Variants in CCDC144A observed in about 807,000 individuals in gnomAD.
The protein encoded by CCDC144A is coiled-coil domain containing 144A.
CCDC144A carries 41 observed loss-of-function variants against 143.8 expected under a neutral mutation model. That is an observed-to-expected ratio of 0.29 (90% confidence interval 0.22 to 0.37). The LOEUF is 0.37. Among genes scored for constraint, CCDC144A ranks in the 10% least tolerant of loss-of-function variants. The pLI, the probability that CCDC144A is intolerant of heterozygous loss-of-function variation, is 1.00. For synonymous variants in CCDC144A, 242 were observed against 517.9 expected, an observed-to-expected ratio of 0.47 and a Z score of 7.23; for missense variants, 637 against 1,488.8, an observed-to-expected ratio of 0.43 and a Z score of 9.41.
Position 16,711,136 on chromosome 17 carries a change from G to GAAAAAAAAAAAAAAAAAAAAAAAA in CCDC144A, c.1579-521_1579-520insAAAAAAAAAAAAAAAAAAAAAAAA, listed in dbSNP as rs1210697273. Reference sequence around the variant, plus strand: ...CTTTTTGATATCCCAGGATTCAAATGAAAAAAAAAAAAAAAAAAAAAACAA... The same window carrying GAAAAAAAAAAAAAAAAAAAAAAAA: ...CTTTTTGATATCCCAGGATTCAAATGAAAAAAAAAAAAAAAAAAAAAAAAAAAAAAAAAAAAAAAAAAAAAACAA... On this transcript the variant is annotated intron_variant, in intron 5 of 16. Coordinates refer to ENST00000399273, the MANE Select transcript of CCDC144A (RefSeq NM_001382000.1). Among the ~76,000 whole-genome samples the GAAAAAAAAAAAAAAAAAAAAAAAA allele has an allele frequency of 9.2e-4, 20 of 21,764 alleles. 3 individuals carry two copies. Among genetic ancestry groups the GAAAAAAAAAAAAAAAAAAAAAAAA allele is most frequent in the Non-Finnish European group, 1.3e-3 (15 of 11,568 alleles). The allele number at this position is 21,764 out of a possible 152,430, so 14.3% of individuals were successfully genotyped here.
intron 2 of CCDC144A, among the ~76,000 whole-genome samples, chr17:16,701,006 T>A (rs897229026): frequency 1.3e-5 from 2 of 152,312 alleles, no homozygotes; most frequent in South Asian, 2.1e-4. Context: ...TTTGTGAATT[T>A]TTTTTGCCTA....
At chr17:16,677,282 C>G in the CCDC144A span, among the ~76,000 whole-genome samples, 3 of 152,058 alleles carry the variant, frequency 2.0e-5, no homozygotes, top group South Asian at 6.3e-4. Flanking sequence ...GTTCCATGAA[C>G]AAGTTATGCG....
intron 11 of CCDC144A, among the ~76,000 whole-genome samples, 197 bp downstream of exon 11, chr17:16,732,863 T>C (rs936772643): frequency 1.3e-5 from 2 of 151,094 alleles, no homozygotes; most frequent in Admixed American, 6.6e-5. Flanking sequence ...TTAATTCAAC[T>C]CCATTTGTTT....
At chr17:16,762,157 CTTCT>C (rs1225467177) in intron 13 of CCDC144A, among the ~76,000 whole-genome samples, 152 bp from the exon 14 acceptor site, 1 of 152,242 alleles carries the variant, frequency 6.6e-6, no homozygotes, top group African/African-American at 2.4e-5. Context: ...TAAGCTTGAG[CTTCT>C]TTCTTTCTTC....
the CCDC144A span, among the ~76,000 whole-genome samples, chr17:16,675,885 G>A: frequency 6.6e-6 from 1 of 151,764 alleles, no homozygotes; most frequent in African/African-American, 2.4e-5. Flanking sequence ...TGGGACTACA[G>A]GCGCCCGCCA....
chr17:16,726,669 G>GT (rs1342518523), intron 8 of CCDC144A, among the ~76,000 whole-genome samples: 2 of 151,708 alleles, frequency 1.3e-5, no homozygotes, highest in African/African-American at 4.8e-5. Flanking sequence ...TTTTTTAGAT[G>GT]TTTTTTTCCC....
intron 2 of CCDC144A, among the ~76,000 whole-genome samples, chr17:16,694,382 A>G (rs1911277021): frequency 6.6e-6 from 1 of 152,186 alleles, no homozygotes; most frequent in Admixed American, 6.5e-5. Flanking sequence ...GAAGTTCCAG[A>G]CCAGCCTGGG....
At chr17:16,675,983 C>T in the CCDC144A span, among the ~76,000 whole-genome samples, 36 of 151,888 alleles carry the variant, frequency 2.4e-4, no homozygotes, top group African/African-American at 8.4e-4. Context: ...CTCCTCACCT[C>T]GTGATCCCCG....
At chr17:16,732,960 A>G (rs1041005268) in intron 11 of CCDC144A, among the ~76,000 whole-genome samples, 35 of 151,648 alleles carry the variant, frequency 2.3e-4, no homozygotes, top group African/African-American at 8.2e-4. Flanking sequence ...TCTTTCCACA[A>G]TCTCAAAATC....
At chr17:16,713,201 C>T (rs1912550339) in intron 6 of CCDC144A, among the ~76,000 whole-genome samples, 1 of 151,836 alleles carries the variant, frequency 6.6e-6, no homozygotes, top group Non-Finnish European at 1.5e-5. Context: ...TTATAAAGGG[C>T]ATAAGTGTGG....
At chr17:16,765,990 C>T (rs1441718627) in intron 15 of CCDC144A, 2 of 152,342 alleles carry the variant, frequency 1.3e-5, no homozygotes, top group African/African-American at 4.8e-5. Context: ...GGACACACAT[C>T]CATGACACAG....
rs1915938237 is a variant in CCDC144A, at chr17:16,774,503, CT to C, written c.*873del. The C allele has an allele frequency of 7.7e-6, 1 of 130,062 alleles. No individual in the cohort carries two copies. 8.1% of individuals were successfully genotyped at this position (130,062 alleles called of 1,614,324 possible). On this transcript the variant is annotated 3_prime_UTR_variant, in exon 17 of 17. Coordinates refer to ENST00000399273, the MANE Select transcript of CCDC144A (RefSeq NM_001382000.1). ...AACAGTTCCTCAGTTTTTCTTTGAC[CT>C]TTATGACCTTAAATCTTTTGAAGAG...
At chr17:16,718,221 A>T (rs1597553555) in intron 6 of CCDC144A, among the ~76,000 whole-genome samples, 1 of 152,200 alleles carries the variant, frequency 6.6e-6, no homozygotes, top group Non-Finnish European at 1.5e-5. Context: ...ACTGTAGTGG[A>T]TAAGCATAGA....
chr17:16,777,459 G>A lies in CCDC144A; in HGVS notation c.*3826G>A, dbSNP rs1280667017. 9 of 147,296 alleles carry A rather than the reference G, an allele frequency of 6.1e-5. No homozygotes were observed. The highest frequency in any genetic ancestry group is 1.8e-4 in the African/African-American group (7 of 39,708). The allele number at this position is 147,296 out of a possible 1,614,324, so 9.1% of individuals were successfully genotyped here. The stretch of plus-strand genomic sequence containing the variant: ...ATTCTCCAAAATAGACCATATGATA[G>A]GGCACAAAACAAGTCTCAGTAAATT... On this transcript the variant is annotated 3_prime_UTR_variant, in exon 17 of 17. Coordinates refer to ENST00000399273, the MANE Select transcript of CCDC144A (RefSeq NM_001382000.1).
At chr17:16,683,912 C>G in the CCDC144A span, 6 of 1,322,668 alleles carry the variant, frequency 4.5e-6, no homozygotes, top group African/African-American at 8.7e-5. Context: ...CAGTAATGGG[C>G]GTAGAAAGCC....
the CCDC144A span, among the ~76,000 whole-genome samples, chr17:16,677,732 G>A: frequency 9.9e-5 from 15 of 151,812 alleles, no homozygotes; most frequent in Middle Eastern, 3.4e-3. Context: ...ACTTGAACCC[G>A]GGAGGCAGAT....
intron 6 of CCDC144A, 149 bp downstream of exon 6, chr17:16,711,964 C>G (rs2143137335): frequency 2.2e-6 from 2 of 890,620 alleles, no homozygotes; most frequent in South Asian, 1.7e-5. Flanking sequence ...AACCCCATCT[C>G]TACTAAAAAT....
chr17:16,700,087 C>T (rs1305002512), intron 2 of CCDC144A, among the ~76,000 whole-genome samples: 1 of 152,096 alleles, frequency 6.6e-6, no homozygotes, highest in Non-Finnish European at 1.5e-5. Context: ...GAAGGACTCA[C>T]AGGACTCAGC....
intron 15 of CCDC144A, among the ~76,000 whole-genome samples, chr17:16,770,135 TA>T (rs1915768688): frequency 6.6e-6 from 1 of 151,466 alleles, no homozygotes; most frequent in Admixed American, 6.6e-5. Flanking sequence ...CTGTCTGAGT[TA>T]TTTTTTTATT....
Sources: allele counts gnomAD v4.1 joint callset (sites outside exome capture counted in the v4.1 genomes callset), GRCh38; gene constraint gnomAD v4.1.1; transcripts MANE v1.5; gene names NCBI Gene and HGNC (gene_info 2026-07-23, HGNC 2026-07-21).